The following COL20A1 variants were observed in gnomAD, a reference collection of about 807,000 sequenced individuals.
COL20A1 encodes collagen type XX alpha 1 chain, also known as collagen alpha-1(XX) chain.
COL20A1 carries 164 observed loss-of-function variants against 152.9 expected under a neutral mutation model. That is an observed-to-expected ratio of 1.07 (90% CI 0.94 to 1.22). The LOEUF is 1.22. Ranked by LOEUF, COL20A1 falls within the 50% of genes most tolerant of loss-of-function variation. COL20A1 has a pLI of 0.00. For missense variants in COL20A1, 1,873 were observed against 1,744.8 expected (o/e 1.07, Z -1.31); for synonymous variants, 864 against 756.0 (o/e 1.14, Z -2.34).
chr20:63,312,289 C>T (rs1281939764), intron 14 of COL20A1, 131 bp from the exon 15 acceptor site: 13 of 1,217,242 alleles, frequency 1.1e-5, no homozygotes, highest in African/African-American at 6.1e-5. Context: ...TCCCTCAGGA[C>T]AAGCCCATTT....
Position 63,314,732 on chromosome 20 carries a change from G to A in COL20A1, c.2488+531G>A, listed in dbSNP as rs577247954. Among the ~76,000 whole-genome samples, 9 of 152,208 alleles carry A rather than the reference G, an allele frequency of 5.9e-5. No homozygotes were observed. In the East Asian group the frequency reaches 1.7e-3, roughly 29 times the overall value. On this transcript the variant is annotated intron_variant, in intron 19 of 35. Coordinates refer to ENST00000358894, the MANE Select transcript of COL20A1 (RefSeq NM_020882.4). ...TGAAGGGTTCCGAGCACCTGCCATG[G>A]AGCAAACCCAAGTCCCTGGGCCCCC...
rs539862666 is a variant in COL20A1 at position 63,314,927 on chromosome 20, C to T, written c.2489-477C>T. On this transcript the variant is annotated intron_variant, in intron 19 of 35. Coordinates refer to ENST00000358894, the MANE Select transcript of COL20A1 (RefSeq NM_020882.4). ...TCCCTGGCCCCCAGGACATGCGTGT[C>T]CCCAGCCTCTCCTCACACCAGGCAT... 1.4e-4 allele frequency among the ~76,000 whole-genome samples: 21 copies of T among 151,414 alleles called. No homozygotes were observed. In the South Asian group the frequency reaches 2.1e-3, roughly 15 times the overall value.
chr20:63,308,795 C>A, intron 8 of COL20A1, 89 bp downstream of exon 8: 3 of 1,190,572 alleles, frequency 2.5e-6, no homozygotes, highest in Non-Finnish European at 3.4e-6. Flanking sequence ...GGCACCTGGT[C>A]CCTGAGCCCC....
At position 63,319,256 on chromosome 20, in the gene COL20A1, C is replaced by T. The variant is rs2068125739; in HGVS notation, c.2806+56C>T. Reference sequence around the variant, plus strand: ...TCAGGAGGAGTAGGGGCAGGGAGGCCCCAGAGCCCTGGGAGGCCTTCAGAG... The same window carrying T: ...TCAGGAGGAGTAGGGGCAGGGAGGCTCCAGAGCCCTGGGAGGCCTTCAGAG... On this transcript the variant is annotated intron_variant, in intron 22 of 35. Coordinates refer to ENST00000358894, the MANE Select transcript of COL20A1 (RefSeq NM_020882.4). This position sits in a 1 kb window ranked among gnomAD's most constrained non-coding sequence, Gnocchi z 4.4. 3.8e-6 allele frequency: 6 copies of T among 1,567,082 alleles called. No homozygotes were observed. In the South Asian group the frequency reaches 4.7e-5, roughly 12 times the overall value.
Position 63,319,130 on chromosome 20 carries a change from C to G in COL20A1, c.2736C>G (p.Pro912=). ...VFLVRLLPET[P]REAFALWQMT... ...TTGTGCGCCTACTTCCCGAGACACC[C>G]CGTGAGGCCTTCGCGCTGTGGCAGA... The change falls in exon 22 of 36, where the codon CCC becomes CCG. Residue 912 remains proline, a synonymous_variant. Coordinates refer to ENST00000358894, the MANE Select transcript of COL20A1 (RefSeq NM_020882.4). This position sits in a 1 kb window ranked among gnomAD's most constrained non-coding sequence, Gnocchi z 4.4. The G allele has an allele frequency of 6.2e-7, 1 of 1,613,256 alleles. No homozygotes were observed. Among genetic ancestry groups the G allele is most frequent in the Non-Finnish European group, 8.5e-7 (1 of 1,179,696 alleles).
chr20:63,316,463 T>C (rs1601426853), intron 20 of COL20A1, 90 bp from the exon 21 acceptor site: 1 of 761,704 alleles, frequency 1.3e-6, no homozygotes, highest in African/African-American at 2.0e-5. Flanking sequence ...AGCCCCTGGG[T>C]CCCTCTTGAG....
At position 63,311,577 on chromosome 20, in the gene COL20A1, G is replaced by A. The variant is rs1486977387; in HGVS notation, c.1539+38G>A. ...GGGGGGTGGCGGGGGAGGCAGAGGA[G>A]TGGGGCAGAGCGAGTGGGGGCTGGC... On this transcript the variant is annotated intron_variant, in intron 12 of 35. Coordinates refer to ENST00000358894, the MANE Select transcript of COL20A1 (RefSeq NM_020882.4). This position sits in a 1 kb window ranked among gnomAD's most constrained non-coding sequence, Gnocchi z 4.4. The A allele has an allele frequency of 1.1e-5, 17 of 1,609,896 alleles. No homozygotes were observed. Among genetic ancestry groups the A allele is most frequent in the Non-Finnish European group, 1.4e-5 (16 of 1,179,230 alleles).
Position 63,307,419 on chromosome 20 carries a change from G to A in COL20A1, c.497-71G>A, listed in dbSNP as rs138101033. The A allele has an allele frequency of 1.5e-4, 218 of 1,441,938 alleles. 1 individual carries two copies. In the African/African-American group the frequency reaches 2.6e-3, roughly 17 times the overall value. The allele number at this position is 1,441,938 out of a possible 1,614,324, so 89.3% of individuals were successfully genotyped here. A position where few individuals can be genotyped will look rare whatever the true frequency, so the allele number is the denominator to read the frequency against. On this transcript the variant is annotated intron_variant, in intron 5 of 35. Coordinates refer to ENST00000358894, the MANE Select transcript of COL20A1 (RefSeq NM_020882.4). ...CTCACTCTTGTGGCTGGAGCCCCGG[G>A]GTAGGTGATCTGGGGGCCTTGGACC...
intron 3 of COL20A1, among the ~76,000 whole-genome samples, chr20:63,303,418 G>A (rs901324518): frequency 1.3e-5 from 2 of 152,118 alleles, no homozygotes; most frequent in East Asian, 1.9e-4. Context: ...TGTTAATCAC[G>A]TGTTTGTGCA....
At chr20:63,294,298 T>C (rs1429531385) in intron 1 of COL20A1, among the ~76,000 whole-genome samples, 2 of 151,004 alleles carry the variant, frequency 1.3e-5, no homozygotes, top group African/African-American at 4.9e-5. Context: ...GACTCGGGCC[T>C]GGCAGCTGAC....
At chr20:63,316,777 G>A (rs1261300152) in intron 21 of COL20A1, 86 bp downstream of exon 21, 6 of 1,322,334 alleles carry the variant, frequency 4.5e-6, no homozygotes, top group Non-Finnish European at 5.0e-6. Context: ...GGCGGGCATG[G>A]GCCGGAGACC....
chr20:63,325,795 G>A, intron 29 of COL20A1, 74 bp downstream of exon 29: 1 of 1,361,208 alleles, frequency 7.3e-7, no homozygotes, highest in South Asian at 1.2e-5. Context: ...CTTGGAGATG[G>A]AGGCTGTGGG....
At position 63,313,877 on chromosome 20, in the gene COL20A1, G is replaced by C; in HGVS notation, c.2344G>C (p.Gly782Arg). The C allele has an allele frequency of 1.2e-6, 2 of 1,603,362 alleles. No individual in the cohort carries two copies. Among genetic ancestry groups the C allele is most frequent in the Non-Finnish European group, 1.7e-6 (2 of 1,175,674 alleles). ...CACCTACGCCCCCGCCTCTGGCTTG[G>C]GACCCGAGAAATCCGTGAGTCTTGG... Reference protein sequence around the residue: ...WLTYAPASGLGPEKSVSVPGA... With the variant: ...WLTYAPASGLRPEKSVSVPGA... The change falls in exon 18 of 36, where the codon GGA becomes CGA. Residue 782 changes from glycine (G) to arginine (R), a missense_variant. Transcript: ENST00000358894. The surrounding 1 kb of genome is among the most constrained non-coding windows in gnomAD (Gnocchi z 5.9).
At chr20:63,300,783 C>T (rs548620511) in intron 3 of COL20A1, among the ~76,000 whole-genome samples, 27 of 152,174 alleles carry the variant, frequency 1.8e-4, no homozygotes, top group Non-Finnish European at 2.4e-4. Flanking sequence ...AAAGTTAAAA[C>T]TATTGAATTT....
rs1033611455 is a variant in COL20A1 at position 63,334,022 on chromosome 20, T to A, written c.*3306T>A. 6.6e-6 allele frequency: 1 copy of A among 152,226 alleles called. No individual in the cohort carries two copies. The highest frequency in any genetic ancestry group is 1.5e-5 in the Non-Finnish European group (1 of 68,066). 9.4% of individuals were successfully genotyped at this position (152,226 alleles called of 1,614,324 possible). Reference sequence around the variant, plus strand: ...GACTTGAGCCCCAGCACAGAGACGATGTCATAATACAGCCCCCCATCGTGA... The same window carrying A: ...GACTTGAGCCCCAGCACAGAGACGAAGTCATAATACAGCCCCCCATCGTGA... On this transcript the variant is annotated 3_prime_UTR_variant, in exon 36 of 36. Coordinates refer to ENST00000358894, the MANE Select transcript of COL20A1 (RefSeq NM_020882.4).
In COL20A1 at chr20:63,306,231, T is replaced by G. The variant is rs1473882813; in HGVS notation, c.496+192T>G. Among the ~76,000 whole-genome samples the G allele has an allele frequency of 1.2e-3, 158 of 127,870 alleles. No homozygotes were observed. The highest frequency in any genetic ancestry group is 4.7e-3 in the African/African-American group (154 of 33,078). 83.9% of individuals were successfully genotyped at this position (127,870 alleles called of 152,430 possible). A position where few individuals can be genotyped will look rare whatever the true frequency, so the allele number is the denominator to read the frequency against. On this transcript the variant is annotated intron_variant, in intron 5 of 35. Coordinates refer to ENST00000358894, the MANE Select transcript of COL20A1 (RefSeq NM_020882.4). This position sits in a 1 kb window ranked among gnomAD's most constrained non-coding sequence, Gnocchi z 6.9. Reference sequence around the variant, plus strand: ...CGAGGCCGGGAAGTTCTTCCTCGTGTCTGACCACACGGTCTCTGACCACGA... The same window carrying G: ...CGAGGCCGGGAAGTTCTTCCTCGTGGCTGACCACACGGTCTCTGACCACGA...
Position 63,311,254 on chromosome 20 carries a change from A to G in COL20A1, c.1394-140A>G. 1.0e-6 allele frequency: 1 copy of G among 955,844 alleles called. No individual in the cohort carries two copies. Among genetic ancestry groups the G allele is most frequent in the Non-Finnish European group, 1.5e-6 (1 of 661,978 alleles). 59.2% of individuals were successfully genotyped at this position (955,844 alleles called of 1,614,324 possible). A position where few individuals can be genotyped will look rare whatever the true frequency, so the allele number is the denominator to read the frequency against. On this transcript the variant is annotated intron_variant, in intron 11 of 35. Transcript: ENST00000358894. The surrounding 1 kb of genome is among the most constrained non-coding windows in gnomAD (Gnocchi z 4.4). The stretch of plus-strand genomic sequence containing the variant: ...AGCCACAAACCTTGGCCCAAGGTGA[A>G]GCCTGGGAAGTGCCACTTTGAATCC...
intron 35 of COL20A1, 27 bp downstream of exon 35, chr20:63,329,688 T>C (rs1350955949): frequency 1.3e-6 from 2 of 1,503,644 alleles, no homozygotes; most frequent in Non-Finnish European, 1.8e-6. Context: ...TGCATCTATC[T>C]GCCAAGGCTG....
intron 1 of COL20A1, among the ~76,000 whole-genome samples, chr20:63,294,021 G>A (rs1210606314): frequency 7.1e-6 from 1 of 140,824 alleles, no homozygotes; most frequent in Non-Finnish European, 1.5e-5. Context: ...AGCACAGAGG[G>A]GTAGGGGCCC....
Sources: gnomAD v4.1 joint callset for allele counts (sites outside exome capture counted in the v4.1 genomes callset) on GRCh38, gnomAD v4.1.1 for gene constraint, Gnocchi (gnomAD v3.1) non-coding constraint, MANE v1.5 for transcripts, NCBI Gene and HGNC (gene_info 2026-07-23, HGNC 2026-07-21) for gene names.